The following TRIM24 variants were observed in gnomAD, a reference collection of about 807,000 sequenced individuals.
TRIM24 encodes the protein tripartite motif containing 24, also known as transcription intermediary factor 1-alpha.
Under a neutral mutation model 123.9 loss-of-function variants are expected in TRIM24, and 29 were observed. That is an observed-to-expected ratio of 0.23 (90% CI 0.17 to 0.32). TRIM24 has a LOEUF of 0.32. Among genes scored for constraint, TRIM24 ranks in the 10% least tolerant of loss-of-function variants. The pLI, the probability that TRIM24 is intolerant of heterozygous loss-of-function variation, is 1.00. For missense variants in TRIM24, 932 were observed against 1,295.3 expected (o/e 0.72, Z 4.31); for synonymous variants, 456 against 461.1 (o/e 0.99, Z 0.14).
intron 1 of TRIM24, among the ~76,000 whole-genome samples, chr7:138,470,482 TA>T: frequency 1.3e-5 from 2 of 152,352 alleles, no homozygotes; most frequent in South Asian, 4.1e-4. Context: ...TATCTGTTTT[TA>T]ACTAAATGTC....
At chr7:138,521,214 C>T (rs1796497677) in intron 4 of TRIM24, among the ~76,000 whole-genome samples, 1 of 151,956 alleles carries the variant, frequency 6.6e-6, no homozygotes, top group Non-Finnish European at 1.5e-5. Flanking sequence ...ATAGGAGATA[C>T]AGAAAGGAAA....
intron 2 of TRIM24, among the ~76,000 whole-genome samples, chr7:138,513,645 A>G (rs895450174): frequency 1.5e-4 from 23 of 152,232 alleles, no homozygotes; most frequent in African/African-American, 3.9e-4. Context: ...CAAGGGGGAA[A>G]TCACCCCCAT....
At chr7:138,579,121 C>A in intron 14 of TRIM24, 83 bp from the exon 15 acceptor site, 2 of 1,157,716 alleles carry the variant, frequency 1.7e-6, no homozygotes, top group Non-Finnish European at 2.4e-6. Context: ...AGGTGCTCAC[C>A]AGAGAGTGGT....
chr7:138,509,625 A>G (rs1796242728), intron 2 of TRIM24, among the ~76,000 whole-genome samples: 1 of 138,042 alleles, frequency 7.2e-6, no homozygotes, highest in Non-Finnish European at 1.5e-5. Context: ...AATTGCTTGA[A>G]CCCAGAGTGG....
intron 1 of TRIM24, among the ~76,000 whole-genome samples, chr7:138,500,768 A>G (rs1230506370): frequency 1.3e-5 from 2 of 152,048 alleles, no homozygotes; most frequent in East Asian, 1.9e-4. Context: ...TTTGTTGTAT[A>G]AGTATGATAG....
Position 138,461,228 on chromosome 7 carries a change from C to T in TRIM24, c.364+316C>T, listed in dbSNP as rs774586859. ...GACCTCTGTCGGAGTCTCCTGCAGC[C>T]GGAATCTCGGGTTCTTTGCCGGCTG... is the stretch of plus-strand genomic sequence containing the variant. On this transcript the variant is annotated intron_variant, in intron 1 of 18. Coordinates refer to ENST00000343526, the MANE Select transcript of TRIM24 (RefSeq NM_015905.3). The T allele has an allele frequency of 6.5e-5, 41 of 627,644 alleles. No individual in the cohort carries two copies. In the Admixed American group the frequency reaches 7.5e-4, roughly 11 times the overall value. The allele number at this position is 627,644 out of a possible 1,614,324, so 38.9% of individuals were successfully genotyped here. A position where few individuals can be genotyped will look rare whatever the true frequency, so the allele number is the denominator to read the frequency against.
At chr7:138,546,671 C>G (rs1797108801) in intron 7 of TRIM24, among the ~76,000 whole-genome samples, 1 of 152,102 alleles carries the variant, frequency 6.6e-6, no homozygotes, top group Admixed American at 6.6e-5. Flanking sequence ...ACTTAACACT[C>G]AGGGAATTTG....
At chr7:138,462,507 A>AT (rs1291168317) in intron 1 of TRIM24, among the ~76,000 whole-genome samples, 3 of 150,956 alleles carry the variant, frequency 2.0e-5, no homozygotes, top group African/African-American at 7.3e-5. Context: ...CGCCCGGCTA[A>AT]TTTTTTGTAT....
At chr7:138,583,142 G>A (rs1007756654) in intron 17 of TRIM24, among the ~76,000 whole-genome samples, 9 of 152,170 alleles carry the variant, frequency 5.9e-5, no homozygotes, top group African/African-American at 1.9e-4. Context: ...CCATGACACT[G>A]AGCAGCAGAG....
In TRIM24 at chr7:138,507,434, C is replaced by T. The variant is rs373428960; in HGVS notation, c.483+3026C>T. 8.1e-5 allele frequency among the ~76,000 whole-genome samples: 12 copies of T among 148,704 alleles called. 1 individual carries two copies. The East Asian group carries it at 2.0e-3, about 25-fold the overall frequency. On this transcript the variant is annotated intron_variant, in intron 2 of 18. Transcript: ENST00000343526. Reference sequence around the variant, plus strand: ...GGAGTGCAATGGTGAGGTCTTGGCTCACTGCAACCTCAGTCTCCCAAGTAG... The same window carrying T: ...GGAGTGCAATGGTGAGGTCTTGGCTTACTGCAACCTCAGTCTCCCAAGTAG...
intron 9 of TRIM24, among the ~76,000 whole-genome samples, chr7:138,557,345 T>C (rs190399265): frequency 1.3e-5 from 2 of 152,332 alleles, no homozygotes; most frequent in Admixed American, 1.3e-4. Flanking sequence ...TCTCTATCAC[T>C]TAATTCTTCA....
At chr7:138,481,229 G>A (rs1240304989) in intron 1 of TRIM24, among the ~76,000 whole-genome samples, 1 of 151,802 alleles carries the variant, frequency 6.6e-6, no homozygotes, top group African/African-American at 2.4e-5. Context: ...CGAGCTCAGT[G>A]ATTCACCTGC....
chr7:138,462,128 A>T (rs1466117258), intron 1 of TRIM24, among the ~76,000 whole-genome samples: 1 of 152,134 alleles, frequency 6.6e-6, no homozygotes, highest in East Asian at 1.9e-4. Flanking sequence ...CCAGAGCAAA[A>T]GGCGGGGATA....
intron 1 of TRIM24, among the ~76,000 whole-genome samples, chr7:138,462,403 CG>C (rs529769461): frequency 6.8e-6 from 1 of 147,744 alleles, no homozygotes; most frequent in East Asian, 2.0e-4. Context: ...TGCAGTGGCG[CG>C]ATCTCGGCTC....
chr7:138,550,888 C>T (rs919529664), intron 7 of TRIM24, among the ~76,000 whole-genome samples, 175 bp from the exon 8 acceptor site: 40 of 152,184 alleles, frequency 2.6e-4, no homozygotes, highest in African/African-American at 8.4e-4. Flanking sequence ...AGCTGAGTTA[C>T]GCCTCAAAAG....
chr7:138,505,576 G>T (rs1347164835), intron 2 of TRIM24, among the ~76,000 whole-genome samples: 1 of 151,598 alleles, frequency 6.6e-6, no homozygotes, highest in Non-Finnish European at 1.5e-5. Context: ...TCACTCTGTT[G>T]CCCAGTCTGG....
chr7:138,528,109 T>C (rs147789061), intron 5 of TRIM24, among the ~76,000 whole-genome samples: 1 of 152,198 alleles, frequency 6.6e-6, no homozygotes, highest in Non-Finnish European at 1.5e-5. Context: ...ATGGCTGTTA[T>C]CTAGGCTTGC....
At chr7:138,520,257 G>T (rs1214430023) in intron 4 of TRIM24, among the ~76,000 whole-genome samples, 1 of 152,156 alleles carries the variant, frequency 6.6e-6, no homozygotes, top group African/African-American at 2.4e-5. Context: ...GACCCTGAAA[G>T]TCTGCACTAT....
chr7:138,584,664 A>G (rs1314030228), intron 18 of TRIM24, 78 bp from the exon 19 acceptor site: 3 of 1,192,878 alleles, frequency 2.5e-6, no homozygotes, highest in Admixed American at 5.6e-5. Context: ...ACACTTTTCA[A>G]AACAGCTCAT....
Sources: allele counts gnomAD v4.1 joint callset (sites outside exome capture counted in the v4.1 genomes callset), GRCh38; gene constraint gnomAD v4.1.1; transcripts MANE v1.5; gene names NCBI Gene and HGNC (gene_info 2026-07-23, HGNC 2026-07-21).